The following SHISA9 variants were observed in gnomAD, a reference collection of about 807,000 sequenced individuals.
SHISA9 encodes the protein shisa family member 9.
SHISA9 carries 13 observed loss-of-function variants against 38.0 expected under a neutral mutation model. The ratio of observed to expected loss-of-function variants is 0.34; its 90% confidence interval spans 0.22 to 0.54. The LOEUF is 0.54. SHISA9 is among the 20% of genes least tolerant of loss of function. The pLI is 0.91. For missense variants in SHISA9, 538 were observed against 575.8 expected (o/e 0.93, Z 0.67); for synonymous variants, 275 against 242.0 (o/e 1.14, Z -1.27).
At chr16:13,189,646 G>C (rs184999141) in intron 2 of SHISA9, among the ~76,000 whole-genome samples, 10 of 152,334 alleles carry the variant, frequency 6.6e-5, no homozygotes, top group African/African-American at 2.2e-4. Flanking sequence ...GAGAGAGAAC[G>C]ATGTGGAAGG....
At chr16:13,439,821 C>T in the SHISA9 span, among the ~76,000 whole-genome samples, 1 of 152,134 alleles carries the variant, frequency 6.6e-6, no homozygotes, top group Non-Finnish European at 1.5e-5. Flanking sequence ...CTTGGTTCTG[C>T]CACAGAGCCA....
chr16:13,353,649 T>A, the SHISA9 span, among the ~76,000 whole-genome samples: 34 of 152,066 alleles, frequency 2.2e-4, no homozygotes, highest in African/African-American at 8.2e-4. Flanking sequence ...ACAAGGAGCG[T>A]CTATACAGGA....
At chr16:13,062,600 G>T (rs2073388790) in intron 2 of SHISA9, among the ~76,000 whole-genome samples, 1 of 152,052 alleles carries the variant, frequency 6.6e-6, no homozygotes, top group African/African-American at 2.4e-5. Context: ...GAGTTATCAT[G>T]GTGCTTTTGA....
chr16:13,302,139 C>T, the SHISA9 span, among the ~76,000 whole-genome samples: 191 of 152,194 alleles, frequency 1.3e-3, 4 homozygotes, highest in East Asian at 0.029. Context: ...CCTTGTTTCT[C>T]GGTCCAGTTG....
chr16:13,018,329 A>G (rs1039663564), intron 2 of SHISA9, among the ~76,000 whole-genome samples: 1 of 152,248 alleles, frequency 6.6e-6, no homozygotes, highest in African/African-American at 2.4e-5. Flanking sequence ...AGTCTCACGC[A>G]GGTTGGCCCT....
chr16:13,015,882 CTTTCTTTCTTTCTT>C (rs1567182360), intron 2 of SHISA9, among the ~76,000 whole-genome samples: 11 of 113,180 alleles, frequency 9.7e-5, no homozygotes, highest in East Asian at 8.5e-4. Flanking sequence ...TTCTTTCTTT[CTTTCTTTCTTTCTT>C]TCTTTCTTTC....
chr16:13,293,237 C>A, the SHISA9 span, among the ~76,000 whole-genome samples: 1 of 152,166 alleles, frequency 6.6e-6, no homozygotes, highest in South Asian at 2.1e-4. Flanking sequence ...CCACAACACA[C>A]GCACGCGCGC....
chr16:13,562,132 T>G, the SHISA9 span, among the ~76,000 whole-genome samples: 1 of 152,164 alleles, frequency 6.6e-6, no homozygotes, highest in Non-Finnish European at 1.5e-5. Flanking sequence ...AGTAAATCCT[T>G]TTTCCTTCCA....
chr16:13,444,982 C>CTATATATATATA, the SHISA9 span, among the ~76,000 whole-genome samples: 37 of 106,294 alleles, frequency 3.5e-4, no homozygotes, highest in South Asian at 1.2e-3. Context: ...CCATGCCTAG[C>CTATATATATATA]TATATATATA....
chr16:13,342,308 AT>A, the SHISA9 span, among the ~76,000 whole-genome samples: 85 of 149,190 alleles, frequency 5.7e-4, no homozygotes, highest in African/African-American at 1.4e-3. Context: ...AGCTTCCTAC[AT>A]TTTTTTTTTA....
At chr16:13,095,187 C>G (rs866105623) in intron 2 of SHISA9, among the ~76,000 whole-genome samples, 1 of 152,186 alleles carries the variant, frequency 6.6e-6, no homozygotes, top group Non-Finnish European at 1.5e-5. Flanking sequence ...GCTTGTTTCT[C>G]AGAAGGAGAT....
At chr16:12,931,652 G>T (rs1346498417) in intron 2 of SHISA9, among the ~76,000 whole-genome samples, 24 of 152,118 alleles carry the variant, frequency 1.6e-4, no homozygotes, top group Admixed American at 1.6e-3. Flanking sequence ...GTATTCCATG[G>T]TGTATATGTA....
At chr16:13,033,010 C>T (rs558525075) in intron 2 of SHISA9, among the ~76,000 whole-genome samples, 1 of 152,324 alleles carries the variant, frequency 6.6e-6, no homozygotes, top group East Asian at 1.9e-4. Context: ...GTGTTGGCCT[C>T]ATTTTCAGGC....
At chr16:13,320,399 G>A in the SHISA9 span, among the ~76,000 whole-genome samples, 1 of 150,570 alleles carries the variant, frequency 6.6e-6, no homozygotes, top group Non-Finnish European at 1.5e-5. Context: ...GTAGGTATGT[G>A]ACCTTGAGCA....
the SHISA9 span, among the ~76,000 whole-genome samples, chr16:13,283,384 T>G: frequency 6.6e-6 from 1 of 152,116 alleles, no homozygotes; most frequent in African/African-American, 2.4e-5. Flanking sequence ...ACACTGCTAA[T>G]AAAGACATAC....
rs191522467 is a variant in SHISA9 at position 13,116,450 on chromosome 16, G to A, written c.692-86944G>A. Among the ~76,000 whole-genome samples, 49 of 152,296 alleles carry A rather than the reference G, an allele frequency of 3.2e-4. 2 individuals are homozygous for A. Among genetic ancestry groups the A allele is most frequent in the Middle Eastern group, 3.4e-3 (1 of 292 alleles). Reference sequence around the variant, plus strand: ...ATTGCTGAAGGTCTCTCTGGAAGGAGCTGAAATTTCAGATGTGAAAGTGAT... The same window carrying A: ...ATTGCTGAAGGTCTCTCTGGAAGGAACTGAAATTTCAGATGTGAAAGTGAT... On this transcript the variant is annotated intron_variant, in intron 2 of 4. Transcript: ENST00000558583.
chr16:12,947,564 G>A (rs915217172), intron 2 of SHISA9, among the ~76,000 whole-genome samples: 1 of 152,228 alleles, frequency 6.6e-6, no homozygotes, highest in Non-Finnish European at 1.5e-5. Context: ...TAGTTAGCAG[G>A]AATTCATTCA....
the SHISA9 span, among the ~76,000 whole-genome samples, chr16:13,508,483 T>G: frequency 1.6e-4 from 25 of 152,192 alleles, no homozygotes; most frequent in Non-Finnish European, 3.5e-4. Context: ...GACAAAGAGT[T>G]TAAACATTTT....
the SHISA9 span, among the ~76,000 whole-genome samples, chr16:13,372,860 C>T: frequency 4.6e-5 from 7 of 152,022 alleles, no homozygotes; most frequent in African/African-American, 1.4e-4. Context: ...CTCTAAGAAG[C>T]CCTTTAAAAC....
Sources: allele counts gnomAD v4.1 joint callset (sites outside exome capture counted in the v4.1 genomes callset), GRCh38; gene constraint gnomAD v4.1.1; transcripts MANE v1.5; gene names NCBI Gene and HGNC (gene_info 2026-07-23, HGNC 2026-07-21).